Variants in LAMA2 observed in about 807,000 individuals in gnomAD.
The protein encoded by LAMA2 is laminin subunit alpha-2.
A neutral mutation model predicts 364.8 loss-of-function variants in LAMA2; 269 were observed. That is an observed-to-expected ratio of 0.74 (90% CI 0.67 to 0.82). The LOEUF (loss-of-function observed/expected upper bound fraction) is 0.82, where lower values mean the gene tolerates loss of function less well. Among genes scored for constraint, LAMA2 ranks in the 40% least tolerant of loss-of-function variants. LAMA2 has a pLI of 0.00. For synonymous variants in LAMA2, 1,379 were observed against 1,370.6 expected, an observed-to-expected ratio of 1.01 and a Z score of -0.14; for missense variants, 3,807 against 3,873.2, an observed-to-expected ratio of 0.98 and a Z score of 0.45.
Position 129,340,895 on chromosome 6 carries a change from C to T in LAMA2, c.4312-1448C>T, listed in dbSNP as rs144838550. ...AGAAAAGAAAAGACTTGTACCTTGT[C>T]ATATTGGAAAACCAGATTCATTTCA... On this transcript the variant is annotated intron_variant, in intron 29 of 64. Transcript: ENST00000421865. Among the ~76,000 whole-genome samples, 9 of 150,094 alleles carry T rather than the reference C, an allele frequency of 6.0e-5. No homozygotes were observed. In the East Asian group the frequency reaches 1.4e-3, roughly 23 times the overall value.
At chr6:129,449,132 G>A (rs954920800) in intron 45 of LAMA2, among the ~76,000 whole-genome samples, 1 of 152,296 alleles carries the variant, frequency 6.6e-6, no homozygotes. Flanking sequence ...GTTTCTGAGA[G>A]TATATTCAAA....
rs2114461161 is a variant in LAMA2 at position 129,300,828 on chromosome 6, T to C, written c.3130T>C (p.Cys1044Arg). 6.2e-7 allele frequency: 1 copy of C among 1,613,924 alleles called. No homozygotes were observed. The highest frequency in any genetic ancestry group is 8.5e-7 in the Non-Finnish European group (1 of 1,179,802). ...TACCATTGGAGAGAAATGTTCTAAA[T>C]GTGCACCCAATACCTGGGGCCACAG... ...PNTIGEKCSK[C>R]APNTWGHSIT... The change falls in exon 22 of 65, where the codon TGT becomes CGT. Residue 1044 changes from cysteine (C) to arginine (R), a missense_variant. Physicochemically the swap from Cys to Arg is radical, Grantham distance 180 (BLOSUM62 -3). Around this residue, in one of 3 missense-constraint regions of LAMA2, gnomAD observed 3,333 missense variants for 3,345.7 expected, o/e 1.00. Transcript: ENST00000421865.
rs201970154 is a variant in LAMA2 at position 129,280,103 on chromosome 6, C to T, written c.2493C>T (p.Ile831=). The T allele has an allele frequency of 3.1e-6, 5 of 1,613,428 alleles. No homozygotes were observed. The highest frequency in any genetic ancestry group is 1.7e-4 in the Middle Eastern group (1 of 6,060). ...ATTTAGACCGGAGTCTTGGATTGATCTGTGATGGATGCCCTGTCGGGTACA... is the reference window on the plus strand; with the variant it reads ...ATTTAGACCGGAGTCTTGGATTGATTTGTGATGGATGCCCTGTCGGGTACA... ...TCHLDRSLGL[I]CDGCPVGYTG... Residue 831 remains isoleucine (I), a synonymous_variant, in exon 18 of 65, where the codon ATC becomes ATT. Transcript: ENST00000421865.
At chr6:129,375,553 G>C (rs1416952803) in intron 34 of LAMA2, among the ~76,000 whole-genome samples, 1 of 152,106 alleles carries the variant, frequency 6.6e-6, no homozygotes, top group Non-Finnish European at 1.5e-5. Context: ...CTGCAGCTTT[G>C]ATCTTTCCTT....
intron 1 of LAMA2, among the ~76,000 whole-genome samples, chr6:128,911,767 C>G (rs1266511641): frequency 6.6e-6 from 1 of 152,050 alleles, no homozygotes; most frequent in Non-Finnish European, 1.5e-5. Flanking sequence ...CCAACAACAA[C>G]AAAAAATAGA....
intron 22 of LAMA2, 105 bp from the exon 23 acceptor site, chr6:129,312,756 A>C (rs1311041281): frequency 2.5e-6 from 2 of 803,076 alleles, no homozygotes; most frequent in African/African-American, 3.4e-5. Context: ...TAACAGATAC[A>C]TGATTAATAT....
chr6:128,955,457 G>T (rs967220662), intron 1 of LAMA2, among the ~76,000 whole-genome samples: 2 of 151,902 alleles, frequency 1.3e-5, no homozygotes, highest in East Asian at 3.9e-4. Context: ...GAATTATACA[G>T]AGATGAAAAG....
At chr6:129,118,309 T>C (rs1776592329) in intron 4 of LAMA2, among the ~76,000 whole-genome samples, 1 of 152,212 alleles carries the variant, frequency 6.6e-6, no homozygotes, top group South Asian at 2.1e-4. Context: ...TAATTTCCAA[T>C]TCTATCACTC....
intron 22 of LAMA2, among the ~76,000 whole-genome samples, chr6:129,302,413 G>T (rs888813386): frequency 5.3e-5 from 8 of 151,896 alleles, no homozygotes; most frequent in Non-Finnish European, 1.2e-4. Context: ...CTGGATACAT[G>T]TTCTTTAACG....
chr6:129,017,148 A>G (rs1785131541), intron 1 of LAMA2, among the ~76,000 whole-genome samples: 1 of 152,000 alleles, frequency 6.6e-6, no homozygotes, highest in Admixed American at 6.6e-5. Context: ...TTTCTGAACA[A>G]TCTTCCAATA....
chr6:128,929,592 C>T (rs1252527024), intron 1 of LAMA2: 1 of 1,297,436 alleles, frequency 7.7e-7, no homozygotes, highest in Non-Finnish European at 1.1e-6. Flanking sequence ...TCTGGAGCCC[C>T]AGATGCCGCA....
rs570045673 is a variant in LAMA2, at chr6:129,470,020, T to A, written c.7301-3194T>A. ...TGGGGTGATGGATGTGTTCATTGAG[T>A]GTGGTGGTGGTTCTGCAGGTGTATA... is the stretch of plus-strand genomic sequence containing the variant. On this transcript the variant is annotated intron_variant, in intron 51 of 64. Transcript: ENST00000421865. 4.0e-5 allele frequency among the ~76,000 whole-genome samples: 6 copies of A among 151,852 alleles called. No individual in the cohort carries two copies. The South Asian group carries it at 1.2e-3, about 32-fold the overall frequency.
At chr6:128,957,004 G>A (rs1193952285) in intron 1 of LAMA2, among the ~76,000 whole-genome samples, 1 of 152,110 alleles carries the variant, frequency 6.6e-6, no homozygotes, top group Admixed American at 6.6e-5. Context: ...CCATCCAGAA[G>A]ATGATAATGT....
chr6:129,444,498 A>G (rs1286351704), intron 44 of LAMA2, among the ~76,000 whole-genome samples: 1 of 152,234 alleles, frequency 6.6e-6, no homozygotes, highest in Admixed American at 6.5e-5. Flanking sequence ...TCCAGATAAC[A>G]TGCATTTCAG....
In LAMA2 at chr6:129,231,772, T is replaced by TTTTATTA. The variant is rs535377255; in HGVS notation, c.1783-18329_1783-18323dup. Among the ~76,000 whole-genome samples, 220 of 152,216 alleles carry TTTTATTA rather than the reference T, an allele frequency of 1.4e-3. 1 individual carries two copies. The highest frequency in any genetic ancestry group is 5.2e-3 in the African/African-American group (217 of 41,562). On this transcript the variant is annotated intron_variant, in intron 12 of 64. Transcript: ENST00000421865. ...TTTTTAAATAAAAACCAACTAAGTT[T>TTTTATTA]TTTATTATTTATTATTTGGAGGAAC...
intron 20 of LAMA2, among the ~76,000 whole-genome samples, chr6:129,294,803 G>A (rs1444169658): frequency 6.6e-6 from 1 of 152,128 alleles, no homozygotes; most frequent in Non-Finnish European, 1.5e-5. Flanking sequence ...TCAGGCAGGA[G>A]CATAGAGAGT....
chr6:129,023,409 CTT>C (rs1355609582), intron 1 of LAMA2, among the ~76,000 whole-genome samples: 1 of 152,152 alleles, frequency 6.6e-6, no homozygotes, highest in Non-Finnish European at 1.5e-5. Flanking sequence ...TTCTGCTCCT[CTT>C]TTTCCATTCC....
chr6:128,912,890 A>T, intron 1 of LAMA2, among the ~76,000 whole-genome samples: 1 of 152,168 alleles, frequency 6.6e-6, no homozygotes, highest in East Asian at 1.9e-4. Context: ...GAGAATTTCG[A>T]TGGGCAGATC....
At chr6:129,215,299 G>C (rs570343196) in intron 12 of LAMA2, among the ~76,000 whole-genome samples, 8 of 152,260 alleles carry the variant, frequency 5.3e-5, no homozygotes, top group African/African-American at 1.9e-4. Context: ...GGCCTCAAGA[G>C]ATTATTCAAA....
Sources: gnomAD v4.1 joint callset for allele counts (sites outside exome capture counted in the v4.1 genomes callset) on GRCh38, gnomAD v4.1.1 for gene constraint, gnomAD v4.1.1 regional missense constraint, MANE v1.5 for transcripts, NCBI Gene and HGNC (gene_info 2026-07-23, HGNC 2026-07-21) for gene names.